B4GALT6: variants seen among roughly 807,000 people sequenced by gnomAD.
B4GALT6 encodes beta-1,4-galactosyltransferase 6, also known as UDP-Gal:beta-GlcNAc beta-1,4-galactosyltransferase 6.
In B4GALT6, 14 loss-of-function variants were observed where a neutral mutation model predicts 46.3. The observed-to-expected ratio is 0.30, with a 90% CI of 0.20 to 0.47. The LOEUF (loss-of-function observed/expected upper bound fraction) is 0.47. B4GALT6 is among the 20% of genes least tolerant of loss of function. The pLI, the probability that B4GALT6 is intolerant of heterozygous loss-of-function variation, is 0.99. For synonymous variants in B4GALT6, 168 were observed against 162.0 expected (o/e 1.04, Z -0.28); for missense variants, 386 against 480.1 (o/e 0.80, Z 1.83).
At chr18:31,652,761 C>T (rs1204449833) in intron 3 of B4GALT6, among the ~76,000 whole-genome samples, 1 of 152,190 alleles carries the variant, frequency 6.6e-6, no homozygotes, top group African/African-American at 2.4e-5. Flanking sequence ...CAATGGCACC[C>T]TGTAGGTTCT....
Position 31,625,813 on chromosome 18 carries a change from A to G in B4GALT6, c.1002-52T>C, listed in dbSNP as rs760877906. On this transcript the variant is annotated intron_variant, in intron 8 of 8. Transcript: ENST00000306851. ...AAGCAACAAAACATGTTCAAAAAGG[A>G]AAACTGATAAGGACTGTGTTCAAGG... 3.3e-5 allele frequency: 48 copies of G among 1,467,588 alleles called. No individual in the cohort carries two copies. The South Asian group carries it at 6.2e-4, about 19-fold the overall frequency. 90.9% of individuals were successfully genotyped at this position (1,467,588 alleles called of 1,614,324 possible). A position where few individuals can be genotyped will look rare whatever the true frequency, so the allele number is the denominator to read the frequency against.
In B4GALT6 at chr18:31,623,840, C is replaced by T. The variant is rs1423271392; in HGVS notation, c.*1774G>A. 2.0e-5 allele frequency: 3 copies of T among 151,796 alleles called. No individual in the cohort carries two copies. The highest frequency in any genetic ancestry group is 4.4e-5 in the Non-Finnish European group (3 of 67,804). 9.4% of individuals were successfully genotyped at this position (151,796 alleles called of 1,614,324 possible). ...CAATATTGCCATAAAAATGACACTTCAAAATAAAACTTACAATCTGAGATA... is the reference window on the plus strand; with the variant it reads ...CAATATTGCCATAAAAATGACACTTTAAAATAAAACTTACAATCTGAGATA... On this transcript the variant is annotated 3_prime_UTR_variant, in exon 9 of 9. Transcript: ENST00000306851.
intron 3 of B4GALT6, among the ~76,000 whole-genome samples, chr18:31,649,800 C>T (rs2074042785): frequency 6.6e-6 from 1 of 152,196 alleles, no homozygotes; most frequent in African/African-American, 2.4e-5. Flanking sequence ...TGCTTATACA[C>T]TGTTGGTGAG....
Position 31,684,574 on chromosome 18 carries a change from G to C in B4GALT6, c.-148C>G. 1 of 1,324,578 alleles carries C rather than the reference G, an allele frequency of 7.5e-7. No homozygotes were observed. The highest frequency in any genetic ancestry group is 9.8e-7 in the Non-Finnish European group (1 of 1,023,130). 82.1% of individuals were successfully genotyped at this position (1,324,578 alleles called of 1,614,324 possible). On this transcript the variant is annotated 5_prime_UTR_variant, in exon 1 of 9. Coordinates refer to ENST00000306851, the MANE Select transcript of B4GALT6 (RefSeq NM_004775.5). The stretch of plus-strand genomic sequence containing the variant: ...AGGCTCTGGGGAGAGGGCCCGAGCG[G>C]AAAAGAGGAAATGGGAGGGAGCGGA...
chr18:31,676,845 G>A (rs1382264602), intron 1 of B4GALT6, among the ~76,000 whole-genome samples: 1 of 152,022 alleles, frequency 6.6e-6, no homozygotes, highest in Non-Finnish European at 1.5e-5. Flanking sequence ...ATAAGACCTG[G>A]GAAATAAGCT....
At chr18:31,645,721 C>T (rs1479093193) in intron 3 of B4GALT6, among the ~76,000 whole-genome samples, 1 of 151,954 alleles carries the variant, frequency 6.6e-6, no homozygotes, top group Non-Finnish European at 1.5e-5. Flanking sequence ...TTTTAAAAAC[C>T]GTTTTGCTTT....
chr18:31,632,880 C>G (rs1239409459), intron 5 of B4GALT6, among the ~76,000 whole-genome samples: 1 of 152,086 alleles, frequency 6.6e-6, no homozygotes, highest in African/African-American at 2.4e-5. Flanking sequence ...AATCATCTAT[C>G]AATTCTTTCT....
chr18:31,700,508 G>T, the B4GALT6 span, among the ~76,000 whole-genome samples: 1 of 151,590 alleles, frequency 6.6e-6, no homozygotes, highest in African/African-American at 2.4e-5. Context: ...CCAGGCTGGA[G>T]TGCAGTGGCA....
In B4GALT6 at chr18:31,631,079, C is replaced by G; in HGVS notation, c.656G>C (p.Ser219Thr). The G allele has an allele frequency of 1.2e-6, 2 of 1,614,182 alleles. No homozygotes were observed. Among genetic ancestry groups the G allele is most frequent in the East Asian group, 4.5e-5 (2 of 44,886 alleles). The change falls in exon 6 of 9, where the codon AGT becomes ACT. Residue 219 changes from serine (S) to threonine (T), a missense_variant. By Grantham distance (58) the Ser-to-Thr change is moderately conservative. Coordinates refer to ENST00000306851, the MANE Select transcript of B4GALT6 (RefSeq NM_004775.5). ...GTGGAAGATTACACAGTCCCAGACA[C>G]TGTCTTTCATGGCCTCTTTGAAGCC... The part of the protein sequence containing the change: ...NVGFKEAMKD[S>T]VWDCVIFHDV...
chr18:31,695,835 T>C, the B4GALT6 span, among the ~76,000 whole-genome samples: 1 of 152,124 alleles, frequency 6.6e-6, no homozygotes, highest in Admixed American at 6.5e-5. Context: ...ATCCAGCTGC[T>C]CCTCAGGTAC....
the B4GALT6 span, among the ~76,000 whole-genome samples, chr18:31,714,010 T>A: frequency 2.0e-3 from 312 of 152,346 alleles, 1 homozygote; most frequent in African/African-American, 7.2e-3. Flanking sequence ...AAACTAAATA[T>A]GTCTATGAAG....
At chr18:31,712,144 A>G in the B4GALT6 span, among the ~76,000 whole-genome samples, 2 of 152,176 alleles carry the variant, frequency 1.3e-5, no homozygotes, top group Non-Finnish European at 2.9e-5. Flanking sequence ...AATCAATAAC[A>G]TTAAAAGTCT....
intron 2 of B4GALT6, among the ~76,000 whole-genome samples, chr18:31,665,633 T>C (rs1410809298): frequency 6.6e-6 from 1 of 152,100 alleles, no homozygotes; most frequent in Non-Finnish European, 1.5e-5. Flanking sequence ...TCCCAGCTAC[T>C]TGGGAGACTG....
chr18:31,661,137 A>G (rs1333021055), intron 2 of B4GALT6, among the ~76,000 whole-genome samples: 2 of 152,252 alleles, frequency 1.3e-5, no homozygotes, highest in African/African-American at 4.8e-5. Context: ...AATCACAACT[A>G]GACTCAGGAA....
At chr18:31,644,014 T>C (rs73420369) in intron 4 of B4GALT6, among the ~76,000 whole-genome samples, 1,651 of 152,360 alleles carry the variant, frequency 0.011, 26 homozygotes, top group African/African-American at 0.037. Context: ...AGGTGGAATG[T>C]ATGTAAATTG....
At chr18:31,722,900 A>T in the B4GALT6 span, among the ~76,000 whole-genome samples, 3 of 152,122 alleles carry the variant, frequency 2.0e-5, no homozygotes, top group Non-Finnish European at 4.4e-5. Context: ...TATCAGCTAG[A>T]AAAGGAAGTT....
chr18:31,678,107 G>A (rs1356787702), intron 1 of B4GALT6, among the ~76,000 whole-genome samples: 1 of 152,120 alleles, frequency 6.6e-6, no homozygotes, highest in African/African-American at 2.4e-5. Flanking sequence ...GGTAAGCCAG[G>A]GTGCTGCGGA....
At chr18:31,688,260 CAT>C (rs549734087), upstream of B4GALT6, among the ~76,000 whole-genome samples, 269 of 140,804 alleles carry the variant, frequency 1.9e-3, 1 homozygote, top group Non-Finnish European at 2.3e-3. Flanking sequence ...TATATATATA[CAT>C]ATATATATAT....
intron 4 of B4GALT6, 42 bp downstream of exon 4, chr18:31,645,313 C>T (rs1171732797): frequency 1.2e-6 from 2 of 1,609,470 alleles, no homozygotes; most frequent in Admixed American, 1.7e-5. Context: ...TCCTCAAATG[C>T]TCAGTAACAA....
Sources: allele counts gnomAD v4.1 joint callset (sites outside exome capture counted in the v4.1 genomes callset), GRCh38; gene constraint gnomAD v4.1.1; transcripts MANE v1.5; gene names NCBI Gene and HGNC (gene_info 2026-07-23, HGNC 2026-07-21).